The following ADGRL3 variants were observed in gnomAD, a reference collection of about 807,000 sequenced individuals.
ADGRL3 encodes the protein calcium-independent alpha-latrotoxin receptor 3.
ADGRL3 carries 62 observed loss-of-function variants against 153.5 expected under a neutral mutation model. That is an observed-to-expected ratio of 0.40 (90% CI 0.33 to 0.50). The LOEUF (loss-of-function observed/expected upper bound fraction) is 0.50, where lower values mean the gene tolerates loss of function less well. Ranked by LOEUF, ADGRL3 falls within the 20% of genes least tolerant of loss-of-function variation. The probability of loss-of-function intolerance (pLI) is 0.47; values close to 1 mark genes in which losing one functional copy is unlikely to be tolerated. For missense variants in ADGRL3, 1,641 were observed against 1,859.4 expected (o/e 0.88, Z 2.16); for synonymous variants, 710 against 672.5 (o/e 1.06, Z -0.86).
At chr4:61,248,591 A>G (rs1433553098) in intron 1 of ADGRL3, among the ~76,000 whole-genome samples, 1 of 152,180 alleles carries the variant, frequency 6.6e-6, no homozygotes, top group Non-Finnish European at 1.5e-5. Context: ...TGGCTAGAAC[A>G]TGTAGGCAAA....
At chr4:61,653,162 TCTCTCTCTCACA>T (rs1291725994) in intron 5 of ADGRL3, among the ~76,000 whole-genome samples, 2 of 107,374 alleles carry the variant, frequency 1.9e-5, no homozygotes, top group Non-Finnish European at 3.9e-5. Context: ...TCTCTCTCTC[TCTCTCTCTCACA>T]CACACACACA....
intron 17 of ADGRL3, among the ~76,000 whole-genome samples, chr4:61,963,189 GCTTT>G (rs1237883255): frequency 6.6e-6 from 1 of 150,662 alleles, no homozygotes; most frequent in African/African-American, 2.4e-5. Context: ...TTAATAACAT[GCTTT>G]CTTTGAGTTT....
chr4:61,316,052 G>A (rs1441334604), intron 1 of ADGRL3, among the ~76,000 whole-genome samples: 2 of 151,884 alleles, frequency 1.3e-5, no homozygotes, highest in Non-Finnish European at 2.9e-5. Context: ...GACAGATTAT[G>A]AAAAAAAGTA....
intron 25 of ADGRL3, among the ~76,000 whole-genome samples, chr4:62,051,155 C>CAT (rs553228925): frequency 3.4e-4 from 23 of 68,448 alleles, no homozygotes; most frequent in African/African-American, 1.2e-3. Flanking sequence ...ACACAAAGAA[C>CAT]GTGTGTGTGT....
At chr4:61,568,997 T>C (rs900280714) in intron 4 of ADGRL3, among the ~76,000 whole-genome samples, 6 of 152,152 alleles carry the variant, frequency 3.9e-5, no homozygotes, top group Non-Finnish European at 7.4e-5. Context: ...TGAACCAGAA[T>C]AGAACAGAGT....
chr4:61,770,364 T>C (rs562902511), intron 8 of ADGRL3, among the ~76,000 whole-genome samples: 3 of 152,236 alleles, frequency 2.0e-5, no homozygotes, highest in East Asian at 1.9e-4. Context: ...GCAAGAGTTA[T>C]CTCCCAGGAA....
intron 13 of ADGRL3, among the ~76,000 whole-genome samples, chr4:61,915,603 T>G (rs2149893694): frequency 6.6e-6 from 1 of 152,234 alleles, no homozygotes; most frequent in Admixed American, 6.5e-5. Context: ...TGACTATGAA[T>G]AAATGTTTCA....
chr4:61,524,499 C>G (rs1344268491), intron 4 of ADGRL3, among the ~76,000 whole-genome samples: 1 of 151,986 alleles, frequency 6.6e-6, no homozygotes, highest in Non-Finnish European at 1.5e-5. Context: ...TTCTTCTTCA[C>G]TACTTTATTT....
chr4:61,909,636 A>T lies in ADGRL3; in HGVS notation c.1964A>T (p.Asp655Val). The T allele has an allele frequency of 6.2e-7, 1 of 1,613,250 alleles. No individual in the cohort carries two copies. The highest frequency in any genetic ancestry group is 8.5e-7 in the Non-Finnish European group (1 of 1,179,650). Residue 655 changes from aspartate (D) to valine (V), a missense_variant, in exon 12 of 27, where the codon GAC becomes GTC. This residue lies in a region of ADGRL3 where 734 missense variants were observed against 797.0 expected (regional missense o/e 0.92). Transcript: ENST00000683033. Reference protein sequence around the residue: ...EQTRNHLNAGDITYSVRAMDQ... With the variant: ...EQTRNHLNAGVITYSVRAMDQ... ...ACAAGAAATCACTTGAATGCTGGGG[A>T]CATCACCTACTCTGTCCGGGCCATG...
chr4:61,741,259 C>T (rs893699053), intron 8 of ADGRL3, among the ~76,000 whole-genome samples: 3 of 152,158 alleles, frequency 2.0e-5, no homozygotes, highest in Admixed American at 2.0e-4. Flanking sequence ...GATCTTAAAT[C>T]AAACTTGTCC....
At chr4:61,408,185 AG>A (rs1158218016) in intron 2 of ADGRL3, among the ~76,000 whole-genome samples, 2 of 152,088 alleles carry the variant, frequency 1.3e-5, no homozygotes, top group Non-Finnish European at 2.9e-5. Context: ...AACTTCTGCA[AG>A]GTTTTTTTTA....
chr4:61,643,079 GCTCT>G (rs1165219269), intron 5 of ADGRL3, among the ~76,000 whole-genome samples: 1 of 152,044 alleles, frequency 6.6e-6, no homozygotes, highest in Non-Finnish European at 1.5e-5. Flanking sequence ...TCATGATTTG[GCTCT>G]CTGTTTGTCT....
At chr4:62,030,048 G>A (rs1227309148) in intron 22 of ADGRL3, among the ~76,000 whole-genome samples, 7 of 151,588 alleles carry the variant, frequency 4.6e-5, no homozygotes, top group Admixed American at 3.3e-4. Flanking sequence ...CAAGAATGTT[G>A]ATGTTTTCAA....
chr4:61,332,279 T>G (rs2095587508), intron 1 of ADGRL3, among the ~76,000 whole-genome samples: 1 of 152,154 alleles, frequency 6.6e-6, no homozygotes, highest in Non-Finnish European at 1.5e-5. Flanking sequence ...AAATTTTTGA[T>G]ACTCAGAAGT....
intron 8 of ADGRL3, among the ~76,000 whole-genome samples, chr4:61,765,062 G>A (rs1169197408): frequency 6.6e-6 from 1 of 152,104 alleles, no homozygotes; most frequent in East Asian, 1.9e-4. Context: ...TGCCTAAGGA[G>A]ATTCAGCATA....
At chr4:61,330,323 T>G (rs1432638943) in intron 1 of ADGRL3, among the ~76,000 whole-genome samples, 2 of 152,076 alleles carry the variant, frequency 1.3e-5, no homozygotes, top group Non-Finnish European at 2.9e-5. Context: ...CCCTCAGCAA[T>G]GTGGGTGAGC....
chr4:61,828,020 C>T (rs945255507), intron 9 of ADGRL3, among the ~76,000 whole-genome samples: 3 of 152,100 alleles, frequency 2.0e-5, no homozygotes, highest in African/African-American at 7.2e-5. Flanking sequence ...AAAAGTATTA[C>T]TAGTGGATTT....
intron 17 of ADGRL3, among the ~76,000 whole-genome samples, chr4:61,957,459 G>GTC (rs2098971517): frequency 4.6e-4 from 70 of 151,924 alleles, no homozygotes; most frequent in Admixed American, 4.6e-3. Flanking sequence ...CCATAAATAA[G>GTC]CATAGCCAAA....
chr4:61,227,554 A>G (rs1209358211), intron 1 of ADGRL3, among the ~76,000 whole-genome samples: 1 of 152,114 alleles, frequency 6.6e-6, no homozygotes, highest in Non-Finnish European at 1.5e-5. Flanking sequence ...TCTGAGAGTT[A>G]TATCAAAGTC....
Sources: gnomAD v4.1 joint callset for allele counts (sites outside exome capture counted in the v4.1 genomes callset) on GRCh38, gnomAD v4.1.1 for gene constraint, gnomAD v4.1.1 regional missense constraint, MANE v1.5 for transcripts, NCBI Gene and HGNC (gene_info 2026-07-23, HGNC 2026-07-21) for gene names.